The following FOXN3 variants were observed in gnomAD, a reference collection of about 807,000 sequenced individuals.
The protein encoded by FOXN3 is forkhead box N3, also known as forkhead box protein N3.
A neutral mutation model predicts 38.4 loss-of-function variants in FOXN3; 7 were observed. The observed-to-expected ratio is 0.18, with a 90% CI of 0.10 to 0.34. FOXN3 has a LOEUF of 0.34. Among genes scored for constraint, FOXN3 ranks in the 10% least tolerant of loss-of-function variants. The probability of loss-of-function intolerance (pLI) is 1.00; values close to 1 mark genes in which losing one functional copy is unlikely to be tolerated. For missense variants in FOXN3, 456 were observed against 613.4 expected (o/e 0.74, Z 2.71); for synonymous variants, 230 against 242.2 (o/e 0.95, Z 0.47).
At chr14:89,233,436 GC>G (rs948575371) in intron 4 of FOXN3, among the ~76,000 whole-genome samples, 2 of 101,896 alleles carry the variant, frequency 2.0e-5, no homozygotes, top group African/African-American at 6.7e-5. Context: ...GAAGCTAGGA[GC>G]TGGAATTTCC....
intron 4 of FOXN3, among the ~76,000 whole-genome samples, chr14:89,196,575 C>T (rs1888104622): frequency 6.6e-6 from 1 of 152,172 alleles, no homozygotes; most frequent in East Asian, 1.9e-4. Context: ...GCTGCCAGAG[C>T]TACGGATTCC....
At chr14:89,363,961 T>TATATATATATATATATATA (rs1566968871) in intron 2 of FOXN3, among the ~76,000 whole-genome samples, 3 of 14,678 alleles carry the variant, frequency 2.0e-4, no homozygotes, top group African/African-American at 5.2e-4. Flanking sequence ...TATATATATA[T>TATATATATATATATATATA]ATATATATAT....
At chr14:89,568,467 C>G (rs1486081211) in intron 1 of FOXN3, among the ~76,000 whole-genome samples, 3 of 152,224 alleles carry the variant, frequency 2.0e-5, no homozygotes, top group Admixed American at 1.3e-4. Flanking sequence ...GCTCCTTCCA[C>G]AAGCCCCAGG....
chr14:89,366,271 A>C (rs72701693), intron 2 of FOXN3, among the ~76,000 whole-genome samples: 26,060 of 151,560 alleles, frequency 0.17, 2,505 homozygotes, highest in African/African-American at 0.25. Flanking sequence ...AAAAAAAAAA[A>C]AACTTTATTA....
intron 2 of FOXN3, among the ~76,000 whole-genome samples, chr14:89,410,482 G>C (rs185092093): frequency 6.6e-6 from 1 of 152,160 alleles, no homozygotes; most frequent in Non-Finnish European, 1.5e-5. Flanking sequence ...TATCTTAACC[G>C]CGGCTGCATT....
intron 1 of FOXN3, among the ~76,000 whole-genome samples, chr14:89,569,730 G>A (rs1895451439): frequency 6.6e-6 from 1 of 152,140 alleles, no homozygotes; most frequent in Non-Finnish European, 1.5e-5. Context: ...AGAGTGAGAG[G>A]AGTCATCTAT....
chr14:89,414,035 C>G (rs1360881763), intron 1 of FOXN3, among the ~76,000 whole-genome samples: 4 of 151,866 alleles, frequency 2.6e-5, no homozygotes, highest in African/African-American at 9.7e-5. Context: ...AAGACATAGG[C>G]CAGGCATGGT....
intron 2 of FOXN3, among the ~76,000 whole-genome samples, chr14:89,378,863 C>A (rs764229353): frequency 1.3e-5 from 2 of 152,072 alleles, no homozygotes; most frequent in Admixed American, 1.3e-4. Flanking sequence ...CACACCACCA[C>A]GTCCAGCTAA....
chr14:89,487,061 C>T (rs1893460787), intron 1 of FOXN3, among the ~76,000 whole-genome samples: 1 of 152,180 alleles, frequency 6.6e-6, no homozygotes, highest in Non-Finnish European at 1.5e-5. Flanking sequence ...AGCATTCCAC[C>T]CCACGGACCA....
At chr14:89,434,752 T>C (rs1296945034) in intron 1 of FOXN3, among the ~76,000 whole-genome samples, 2 of 152,196 alleles carry the variant, frequency 1.3e-5, no homozygotes, top group Non-Finnish European at 2.9e-5. Context: ...TTGAATGTCC[T>C]ACTACCACAA....
In FOXN3 at chr14:89,274,601, G is replaced by A. The variant is rs550310045; in HGVS notation, c.745+6349C>T. ...CAAACCTGAGGCACAAGGTCAGAGAGCTGGTGCCCAGAGAGGGAGGGATTC... is the reference window on the plus strand; with the variant it reads ...CAAACCTGAGGCACAAGGTCAGAGAACTGGTGCCCAGAGAGGGAGGGATTC... On this transcript the variant is annotated intron_variant, in intron 4 of 5. Transcript: ENST00000557258. Among the ~76,000 whole-genome samples, 67 of 152,334 alleles carry A rather than the reference G, an allele frequency of 4.4e-4. No homozygotes were observed. The South Asian group carries it at 0.011, about 26-fold the overall frequency.
At chr14:89,455,104 G>T (rs886354012) in intron 1 of FOXN3, among the ~76,000 whole-genome samples, 1 of 152,206 alleles carries the variant, frequency 6.6e-6, no homozygotes, top group Non-Finnish European at 1.5e-5. Context: ...GCTCGGGCAG[G>T]CTTTCTTCCC....
Position 89,281,070 on chromosome 14 carries a change from C to A in FOXN3, c.681-56G>T, listed in dbSNP as rs369999209. The A allele has an allele frequency of 1.6e-4, 232 of 1,454,958 alleles. 1 individual carries two copies. The African/African-American group carries it at 3.1e-3, about 19-fold the overall frequency. The allele number at this position is 1,454,958 out of a possible 1,614,324, so 90.1% of individuals were successfully genotyped here. Reference sequence around the variant, plus strand: ...AAGTTCATCTGCACTCACACACCTGCAACCCCTTCCCACACTTCCCTCAAA... The same window carrying A: ...AAGTTCATCTGCACTCACACACCTGAAACCCCTTCCCACACTTCCCTCAAA... On this transcript the variant is annotated intron_variant, in intron 3 of 5. Transcript: ENST00000557258.
chr14:89,249,612 G>T (rs1473994111), intron 4 of FOXN3, among the ~76,000 whole-genome samples: 3 of 152,174 alleles, frequency 2.0e-5, no homozygotes, highest in African/African-American at 7.2e-5. Flanking sequence ...CATTTGGAAG[G>T]CATTCAGCAA....
intron 1 of FOXN3, among the ~76,000 whole-genome samples, chr14:89,546,137 A>T (rs1042958881): frequency 1.3e-5 from 2 of 152,146 alleles, no homozygotes; most frequent in African/African-American, 4.8e-5. Flanking sequence ...TCCAAGATGT[A>T]GAAAGAAGAA....
At chr14:89,235,838 G>T (rs564405273) in intron 4 of FOXN3, among the ~76,000 whole-genome samples, 1 of 152,140 alleles carries the variant, frequency 6.6e-6, no homozygotes, top group Admixed American at 6.5e-5. Flanking sequence ...GAAAGAAAGC[G>T]GCTTCTCTCC....
intron 3 of FOXN3, among the ~76,000 whole-genome samples, chr14:89,316,178 G>A (rs1483330932): frequency 1.3e-5 from 2 of 152,118 alleles, no homozygotes; most frequent in Admixed American, 1.3e-4. Flanking sequence ...TTGTTGCTGG[G>A]AACCCTTCTG....
At chr14:89,289,074 CA>C (rs1189630810) in intron 3 of FOXN3, among the ~76,000 whole-genome samples, 1 of 149,632 alleles carries the variant, frequency 6.7e-6, no homozygotes, top group African/African-American at 2.5e-5. Context: ...CCTAGCTACT[CA>C]GGAGGCTTAG....
At chr14:89,251,733 G>A (rs1216949305) in intron 4 of FOXN3, among the ~76,000 whole-genome samples, 2 of 152,066 alleles carry the variant, frequency 1.3e-5, no homozygotes, top group East Asian at 3.8e-4. Context: ...TATTTTCTTT[G>A]TACAATAATT....
Sources: allele counts gnomAD v4.1 joint callset (sites outside exome capture counted in the v4.1 genomes callset), GRCh38; gene constraint gnomAD v4.1.1; transcripts MANE v1.5; gene names NCBI Gene and HGNC (gene_info 2026-07-23, HGNC 2026-07-21).